The following TANGO6 variants were observed in gnomAD, a reference collection of about 807,000 sequenced individuals.
The protein encoded by TANGO6 is transport and golgi organization 6 homolog, also known as transport and Golgi organization protein 6 homolog.
A neutral mutation model predicts 114.2 loss-of-function variants in TANGO6; 90 were observed. The observed-to-expected ratio is 0.79, with a 90% CI of 0.66 to 0.94. TANGO6 has a LOEUF of 0.94. Among genes scored for constraint, TANGO6 ranks in the 40% least tolerant of loss-of-function variants. TANGO6 has a pLI of 0.00. For missense variants in TANGO6, 1,274 were observed against 1,315.3 expected, an observed-to-expected ratio of 0.97 and a Z score of 0.49; for synonymous variants, 477 against 509.8, an observed-to-expected ratio of 0.94 and a Z score of 0.87.
intron 16 of TANGO6, among the ~76,000 whole-genome samples, chr16:69,033,039 A>G (rs1959624838): frequency 6.6e-6 from 1 of 151,744 alleles, no homozygotes; most frequent in Admixed American, 6.6e-5. Context: ...TACAAAAATT[A>G]GCCCCGTGTG....
At chr16:68,871,303 T>C (rs1962264042) in intron 4 of TANGO6, among the ~76,000 whole-genome samples, 1 of 152,142 alleles carries the variant, frequency 6.6e-6, no homozygotes, top group African/African-American at 2.4e-5. Flanking sequence ...GATATACCAT[T>C]TTTCCCTCTG....
intron 9 of TANGO6, among the ~76,000 whole-genome samples, chr16:68,907,083 CCT>C (rs1962860669): frequency 6.6e-6 from 1 of 151,006 alleles, no homozygotes; most frequent in Admixed American, 6.6e-5. Context: ...GTGTGAGCCA[CCT>C]CACCCAGACC....
rs1962190029 is a variant in TANGO6 at position 68,867,087 on chromosome 16, A to G, written c.861A>G (p.Thr287=). ...CTTCTTCTTTTTCTCAGTCCTGCAC[A>G]GATGTGAAGACACAGATGAGGTGTC... ...ILQGGPPQSC[T]DVKTQMRCRA... is the part of the protein sequence containing the mutation. The change falls in exon 4 of 18, where the codon ACA becomes ACG. Residue 287 remains threonine (T), a synonymous_variant. Transcript: ENST00000261778. 6.2e-7 allele frequency: 1 copy of G among 1,610,732 alleles called. No homozygotes were observed.
intron 7 of TANGO6, among the ~76,000 whole-genome samples, chr16:68,882,973 G>A (rs1361624010): frequency 6.6e-6 from 1 of 152,116 alleles, no homozygotes; most frequent in African/African-American, 2.4e-5. Flanking sequence ...AGCCGAGATT[G>A]TGCCACTGTA....
At chr16:68,895,111 A>G (rs1042238891) in intron 7 of TANGO6, among the ~76,000 whole-genome samples, 3 of 152,196 alleles carry the variant, frequency 2.0e-5, no homozygotes, top group African/African-American at 7.2e-5. Context: ...GACTTTCTGT[A>G]TGTTAAATGT....
chr16:69,020,866 A>G (rs900520552), intron 15 of TANGO6, among the ~76,000 whole-genome samples: 6 of 150,968 alleles, frequency 4.0e-5, no homozygotes, highest in African/African-American at 1.2e-4. Flanking sequence ...CAGCCTGGGT[A>G]ACAGAGCAAG....
chr16:68,969,518 G>A (rs542702113), intron 14 of TANGO6, among the ~76,000 whole-genome samples: 1 of 151,956 alleles, frequency 6.6e-6, no homozygotes, highest in South Asian at 2.1e-4. Context: ...CAAACAGCCA[G>A]CCATTTGGCA....
chr16:68,972,686 G>A (rs148866255), intron 14 of TANGO6, among the ~76,000 whole-genome samples: 71 of 152,270 alleles, frequency 4.7e-4, no homozygotes, highest in Middle Eastern at 6.8e-3. Context: ...TTATTATAGA[G>A]TTCACATTCC....
chr16:68,918,913 T>G (rs2152190682), intron 11 of TANGO6, among the ~76,000 whole-genome samples, 172 bp from the exon 12 acceptor site: 1 of 152,024 alleles, frequency 6.6e-6, no homozygotes, highest in East Asian at 1.9e-4. Context: ...CGGTAAATGT[T>G]TAAAAAAAAA....
In TANGO6 at chr16:68,974,041, G is replaced by A; in HGVS notation, c.2715G>A (p.Leu905=). Residue 905 remains leucine (L), a synonymous_variant, in exon 15 of 18, where the codon CTG becomes CTA. Coordinates refer to ENST00000261778, the MANE Select transcript of TANGO6 (RefSeq NM_024562.2). Reference sequence around the variant, plus strand: ...TTTCAACCCCAGGGGTTGCCCTGCTGTCAGACGTCTATCCTGAGAAAATCT... The same window carrying A: ...TTTCAACCCCAGGGGTTGCCCTGCTATCAGACGTCTATCCTGAGAAAATCT... The part of the protein sequence containing the change: ...YLSAIQGVAL[L]SDVYPEKILP... 6.2e-7 allele frequency: 1 copy of A among 1,608,764 alleles called. No individual in the cohort carries two copies. The highest frequency in any genetic ancestry group is 8.5e-7 in the Non-Finnish European group (1 of 1,177,650).
intron 17 of TANGO6, among the ~76,000 whole-genome samples, chr16:69,074,800 G>C (rs1349485176): frequency 1.3e-5 from 1 of 77,756 alleles, no homozygotes; most frequent in African/African-American, 5.9e-5. Flanking sequence ...TCGAATGCCT[G>C]TGTGTGTGTG....
intron 1 of TANGO6, among the ~76,000 whole-genome samples, chr16:68,855,686 C>G (rs1961977912): frequency 6.6e-6 from 1 of 151,950 alleles, no homozygotes. Context: ...AGTTTGAGAC[C>G]AGCCTGGCCA....
At chr16:68,900,148 G>T in intron 7 of TANGO6, 1 of 333,462 alleles carries the variant, frequency 3.0e-6, no homozygotes, top group Non-Finnish European at 5.4e-6. Flanking sequence ...ATAGCCAAAA[G>T]TAGGAAAGGA....
intron 15 of TANGO6, among the ~76,000 whole-genome samples, chr16:68,987,781 CTG>C (rs1035836992): frequency 6.6e-6 from 1 of 152,120 alleles, no homozygotes; most frequent in African/African-American, 2.4e-5. Context: ...CTTTTGAAAA[CTG>C]TGTTTGTTCA....
chr16:68,920,442 G>A (rs1171875650), intron 12 of TANGO6, among the ~76,000 whole-genome samples: 2 of 152,196 alleles, frequency 1.3e-5, no homozygotes, highest in East Asian at 3.9e-4. Context: ...AAGGGGAAGA[G>A]CATGCCTGCA....
At chr16:69,028,870 A>AAG (rs1555528708) in intron 16 of TANGO6, among the ~76,000 whole-genome samples, 1 of 151,044 alleles carries the variant, frequency 6.6e-6, no homozygotes, top group African/African-American at 2.4e-5. Flanking sequence ...AAAAAAAAAA[A>AAG]AAAAGAAAAA....
At chr16:68,958,381 T>C (rs1963555550) in intron 14 of TANGO6, among the ~76,000 whole-genome samples, 1 of 147,624 alleles carries the variant, frequency 6.8e-6, no homozygotes, top group South Asian at 2.1e-4. Context: ...CTCAGCTACT[T>C]GGGAGGCTGA....
At chr16:68,908,552 T>A (rs1238293714) in intron 10 of TANGO6, among the ~76,000 whole-genome samples, 1 of 151,950 alleles carries the variant, frequency 6.6e-6, no homozygotes, top group Non-Finnish European at 1.5e-5. Flanking sequence ...TGGTGGCTTG[T>A]GCCTGTAGTC....
intron 17 of TANGO6, among the ~76,000 whole-genome samples, chr16:69,067,754 A>G (rs1365108979): frequency 1.3e-5 from 2 of 151,952 alleles, no homozygotes; most frequent in Non-Finnish European, 2.9e-5. Flanking sequence ...CCTGACCAAC[A>G]TGGAGAAACC....
Sources: allele counts gnomAD v4.1 joint callset (sites outside exome capture counted in the v4.1 genomes callset), GRCh38; gene constraint gnomAD v4.1.1; transcripts MANE v1.5; gene names NCBI Gene and HGNC (gene_info 2026-07-23, HGNC 2026-07-21).